Variants in SPTLC2 observed in about 807,000 individuals in gnomAD.
The protein encoded by SPTLC2 is serine palmitoyltransferase 2.
A neutral mutation model predicts 62.0 loss-of-function variants in SPTLC2; 21 were observed. That is an observed-to-expected ratio of 0.34 (90% confidence interval 0.24 to 0.49). SPTLC2 has a LOEUF of 0.49. Ranked by LOEUF, SPTLC2 falls within the 20% of genes least tolerant of loss-of-function variation. The pLI, the probability that SPTLC2 is intolerant of heterozygous loss-of-function variation, is 0.99. For missense variants in SPTLC2, 511 were observed against 713.0 expected (o/e 0.72, Z 3.23); for synonymous variants, 261 against 261.8 (o/e 1.00, Z 0.03).
intron 1 of SPTLC2, among the ~76,000 whole-genome samples, chr14:77,606,705 G>A (rs911535173): frequency 4.0e-5 from 6 of 151,778 alleles, no homozygotes; most frequent in African/African-American, 1.5e-4. Context: ...CTGTACTCTA[G>A]GCTGGGCACA....
In SPTLC2 at chr14:77,508,635, C is replaced by T. The variant is rs977313160; in HGVS notation, c.*3649G>A. The T allele has an allele frequency of 6.6e-6, 1 of 152,158 alleles. No homozygotes were observed. The highest frequency in any genetic ancestry group is 1.5e-5 in the Non-Finnish European group (1 of 68,036). The allele number at this position is 152,158 out of a possible 1,614,324, so 9.4% of individuals were successfully genotyped here. On this transcript the variant is annotated 3_prime_UTR_variant, in exon 12 of 12. Coordinates refer to ENST00000216484, the MANE Select transcript of SPTLC2 (RefSeq NM_004863.4). Reference sequence around the variant, plus strand: ...ATCTCTCCATGGAAGCCACTCATCCCCCTGGTTTTCACCAATAAGAAGGAA... The same window carrying T: ...ATCTCTCCATGGAAGCCACTCATCCTCCTGGTTTTCACCAATAAGAAGGAA...
intron 1 of SPTLC2, among the ~76,000 whole-genome samples, chr14:77,602,803 G>A (rs949230899): frequency 1.3e-5 from 2 of 152,046 alleles, no homozygotes; most frequent in African/African-American, 4.8e-5. Flanking sequence ...CAAACTCCTG[G>A]GCTCAAGCTA....
chr14:77,529,801 T>G (rs1408176124), intron 9 of SPTLC2, among the ~76,000 whole-genome samples: 1 of 151,820 alleles, frequency 6.6e-6, no homozygotes, highest in East Asian at 1.9e-4. Flanking sequence ...TTTTGTATTT[T>G]CAGTAGAGAT....
rs548865326 is a variant in SPTLC2, at chr14:77,606,725, G to A, written c.133-9345C>T. ...CTCTAGGCTGGGCACAGGAGCTCAC[G>A]CCTGTAATCCCAACACTTTGGGAGG... On this transcript the variant is annotated intron_variant, in intron 1 of 11. Coordinates refer to ENST00000216484, the MANE Select transcript of SPTLC2 (RefSeq NM_004863.4). Among the ~76,000 whole-genome samples the A allele has an allele frequency of 3.3e-5, 5 of 152,164 alleles. No individual in the cohort carries two copies. In the East Asian group the frequency reaches 7.7e-4, roughly 24 times the overall value.
intron 11 of SPTLC2, 151 bp downstream of exon 11, chr14:77,517,887 T>C (rs1399564159): frequency 7.8e-7 from 1 of 1,282,124 alleles, no homozygotes; most frequent in East Asian, 2.3e-5. Context: ...GACAGTTTTT[T>C]TGTAAATGCC....
At chr14:77,528,416 A>G (rs2079419651) in intron 9 of SPTLC2, among the ~76,000 whole-genome samples, 1 of 152,082 alleles carries the variant, frequency 6.6e-6, no homozygotes, top group South Asian at 2.1e-4. Context: ...TTTTTAGTAG[A>G]GACGGGGTTT....
Position 77,552,193 on chromosome 14 carries a change from A to C in SPTLC2, c.1206T>G (p.Ser402=), listed in dbSNP as rs1290508628. The C allele has an allele frequency of 6.2e-7, 1 of 1,614,166 alleles. No individual in the cohort carries two copies. The highest frequency in any genetic ancestry group is 1.7e-5 in the Admixed American group (1 of 60,016). The change falls in exon 9 of 12, where the codon TCT becomes TCG. Residue 402 remains serine (S), a synonymous_variant. Transcript: ENST00000216484. ...KELIDYLRTH[S]HSAVYATSLS... ...ATGACGTGGCATACACTGCACTATG[A>C]GAATGTGTTCGCAGGTAGTCTATCA...
At chr14:77,614,351 T>C (rs1185030812) in intron 1 of SPTLC2, among the ~76,000 whole-genome samples, 1 of 152,192 alleles carries the variant, frequency 6.6e-6, no homozygotes, top group Non-Finnish European at 1.5e-5. Flanking sequence ...ACCTTTCTCT[T>C]GACTTCCTTT....
At chr14:77,546,611 C>T (rs76547017) in intron 9 of SPTLC2, among the ~76,000 whole-genome samples, 11,737 of 152,218 alleles carry the variant, frequency 0.077, 632 homozygotes, top group Admixed American at 0.15. Flanking sequence ...CTTACCCCTA[C>T]CACTGGACTG....
chr14:77,555,454 A>G lies in SPTLC2; in HGVS notation c.1022T>C (p.Leu341Ser). ...AATGCTGTGAGCCTCATCCAGATAC[A>G]AGTATGCCTTGTATTTCTTCTTGAG... is the stretch of plus-strand genomic sequence containing the variant. ...IALKKKYKAY[L>S]YLDEAHSIGA... The change falls in exon 8 of 12, where the codon TTG becomes TCG. Residue 341 changes from leucine to serine, a missense_variant. Transcript: ENST00000216484. 1 of 1,614,176 alleles carries G rather than the reference A, an allele frequency of 6.2e-7. No homozygotes were observed. The highest frequency in any genetic ancestry group is 8.5e-7 in the Non-Finnish European group (1 of 1,180,038).
At chr14:77,535,684 G>A (rs755897128) in intron 9 of SPTLC2, 31 of 248,656 alleles carry the variant, frequency 1.2e-4, no homozygotes, top group Non-Finnish European at 1.9e-4. Context: ...AAAAGGGGTC[G>A]TGGACTCATA....
chr14:77,521,636 A>G, intron 9 of SPTLC2, 55 bp from the exon 10 acceptor site: 2 of 1,513,438 alleles, frequency 1.3e-6, no homozygotes, highest in Non-Finnish European at 1.8e-6. Context: ...AGGAATGGAA[A>G]AAAGACAGTA....
At chr14:77,587,230 CA>C (rs35395128) in intron 2 of SPTLC2, among the ~76,000 whole-genome samples, 12 of 145,756 alleles carry the variant, frequency 8.2e-5, no homozygotes, top group East Asian at 2.0e-4. Flanking sequence ...GACTCAGTCT[CA>C]AAAAAAAAAG....
rs146295173 is a variant in SPTLC2, at chr14:77,510,575, C to G, written c.*1709G>C. 1 of 152,256 alleles carries G rather than the reference C, an allele frequency of 6.6e-6. No homozygotes were observed. Among genetic ancestry groups the G allele is most frequent in the African/African-American group, 2.4e-5 (1 of 41,402 alleles). 9.4% of individuals were successfully genotyped at this position (152,256 alleles called of 1,614,324 possible). A position where few individuals can be genotyped will look rare whatever the true frequency, so the allele number is the denominator to read the frequency against. Reference sequence around the variant, plus strand: ...GCAACCTCCGCCTCCTGGGTTCAAGCGATTCTCCTGCCTCAGCCTACCAAG... The same window carrying G: ...GCAACCTCCGCCTCCTGGGTTCAAGGGATTCTCCTGCCTCAGCCTACCAAG... On this transcript the variant is annotated 3_prime_UTR_variant, in exon 12 of 12. Transcript: ENST00000216484.
intron 9 of SPTLC2, 115 bp from the exon 10 acceptor site, chr14:77,521,696 C>T: frequency 1.1e-6 from 1 of 923,042 alleles, no homozygotes; most frequent in Non-Finnish European, 1.7e-6. Flanking sequence ...CGTTTTTTTC[C>T]ATTTCACCAT....
intron 9 of SPTLC2, chr14:77,547,788 G>A (rs916962939): frequency 1.3e-5 from 2 of 151,376 alleles, no homozygotes; most frequent in Non-Finnish European, 2.9e-5. Flanking sequence ...TACAGCCCAG[G>A]ACTCTTGGGC....
intron 9 of SPTLC2, among the ~76,000 whole-genome samples, chr14:77,551,159 C>T (rs967662259): frequency 7.9e-5 from 12 of 151,898 alleles, no homozygotes; most frequent in East Asian, 7.7e-4. Flanking sequence ...TTTGGGAGCC[C>T]GAGGAGGGCG....
intron 2 of SPTLC2, among the ~76,000 whole-genome samples, chr14:77,594,468 A>C (rs1396131161): frequency 6.6e-6 from 1 of 152,228 alleles, no homozygotes; most frequent in Non-Finnish European, 1.5e-5. Context: ...TCCCCTGATC[A>C]AAAACTGCCC....
intron 2 of SPTLC2, among the ~76,000 whole-genome samples, chr14:77,585,276 AT>A (rs1166670149): frequency 6.6e-6 from 1 of 152,204 alleles, no homozygotes; most frequent in African/African-American, 2.4e-5. Flanking sequence ...TTAATAACTT[AT>A]TAGATGTATT....
Sources: allele counts gnomAD v4.1 joint callset (sites outside exome capture counted in the v4.1 genomes callset), GRCh38; gene constraint gnomAD v4.1.1; transcripts MANE v1.5; gene names NCBI Gene and HGNC (gene_info 2026-07-23, HGNC 2026-07-21).